The following ERBB4 variants were observed in gnomAD, a reference collection of about 807,000 sequenced individuals.
ERBB4 encodes receptor tyrosine-protein kinase erbB-4.
In ERBB4, 42 loss-of-function variants were observed where a neutral mutation model predicts 158.0. The observed-to-expected ratio is 0.27, with a 90% confidence interval of 0.21 to 0.34. ERBB4 has a LOEUF of 0.34. Ranked by LOEUF, ERBB4 falls within the 10% of genes least tolerant of loss-of-function variation. The pLI is 1.00. For synonymous variants in ERBB4, 583 were observed against 558.7 expected (o/e 1.04, Z -0.61); for missense variants, 1,333 against 1,624.1 (o/e 0.82, Z 3.08).
intron 12 of ERBB4, among the ~76,000 whole-genome samples, chr2:211,697,032 C>A (rs931738491): frequency 2.0e-5 from 3 of 152,186 alleles, no homozygotes; most frequent in Non-Finnish European, 4.4e-5. Context: ...TGAAGTCAGA[C>A]AGGCATTGGG....
intron 1 of ERBB4, among the ~76,000 whole-genome samples, chr2:212,387,083 T>C (rs929905298): frequency 7.2e-5 from 11 of 152,082 alleles, no homozygotes; most frequent in African/African-American, 2.7e-4. Context: ...GTATTAAAAA[T>C]CAAGCAAATA....
chr2:212,000,977 T>C (rs376826253), intron 2 of ERBB4, among the ~76,000 whole-genome samples: 4 of 152,012 alleles, frequency 2.6e-5, no homozygotes, highest in Admixed American at 2.6e-4. Context: ...CATTTTTATA[T>C]TTTATATCTC....
At chr2:211,769,892 C>A (rs2075648508) in intron 4 of ERBB4, among the ~76,000 whole-genome samples, 1 of 152,214 alleles carries the variant, frequency 6.6e-6, no homozygotes, top group African/African-American at 2.4e-5. Context: ...GAGGGTGAGT[C>A]TGCCTCTCCC....
At chr2:211,997,946 T>C (rs1211250505) in intron 2 of ERBB4, among the ~76,000 whole-genome samples, 2 of 151,006 alleles carry the variant, frequency 1.3e-5, no homozygotes, top group Non-Finnish European at 3.0e-5. Flanking sequence ...TGCCTGAGTT[T>C]AGGTAGAATG....
chr2:212,141,342 C>T (rs1357581215), intron 1 of ERBB4, among the ~76,000 whole-genome samples: 2 of 151,912 alleles, frequency 1.3e-5, no homozygotes, highest in South Asian at 4.1e-4. Flanking sequence ...AATGAAGAAA[C>T]TTGGCTCCCT....
chr2:212,078,714 G>T (rs1201893633), intron 2 of ERBB4, among the ~76,000 whole-genome samples: 1 of 151,684 alleles, frequency 6.6e-6, no homozygotes. Flanking sequence ...ACCATTTGCA[G>T]TTAAGAGACT....
chr2:211,498,236 T>C (rs1233738214), intron 20 of ERBB4, among the ~76,000 whole-genome samples: 1 of 152,130 alleles, frequency 6.6e-6, no homozygotes, highest in Non-Finnish European at 1.5e-5. Flanking sequence ...TTCTAATTTG[T>C]GCTAAAGTCT....
At position 211,630,591 on chromosome 2, in the gene ERBB4, A is replaced by T. The variant is rs568775996; in HGVS notation, c.1950T>A (p.Thr650=). Residue 650 remains threonine, a synonymous_variant, in exon 17 of 28, where the codon ACT becomes ACA. Coordinates refer to ENST00000342788, the MANE Select transcript of ERBB4 (RefSeq NM_005235.3). The part of the protein sequence containing the change: ...GHSTLPQHAR[T]PLIAAGVIGG... ...CAATTACTCCAGCTGCAATCAGGGG[A>T]GTTCTGACAACCAGAATGAGAAAAA... 1.6e-4 allele frequency: 257 copies of T among 1,612,046 alleles called. 3 individuals carry two copies. The South Asian group carries it at 2.6e-3, about 16-fold the overall frequency.
chr2:212,209,641 C>T (rs1313711942), intron 1 of ERBB4, among the ~76,000 whole-genome samples: 2 of 151,962 alleles, frequency 1.3e-5, no homozygotes, highest in African/African-American at 2.4e-5. Flanking sequence ...GAAGCCCAAA[C>T]CCTTAGAGTG....
intron 9 of ERBB4, among the ~76,000 whole-genome samples, chr2:211,711,328 TCTGTAGC>T (rs1212129333): frequency 6.6e-6 from 1 of 152,198 alleles, no homozygotes; most frequent in Non-Finnish European, 1.5e-5. Flanking sequence ...ATATTCTTTA[TCTGTAGC>T]CTGCAGCACT....
At chr2:212,199,900 A>G (rs1052366967) in intron 1 of ERBB4, among the ~76,000 whole-genome samples, 1 of 152,228 alleles carries the variant, frequency 6.6e-6, no homozygotes, top group Non-Finnish European at 1.5e-5. Flanking sequence ...CCAGTGAAGT[A>G]TGAAAAGATA....
At chr2:212,474,839 T>TTTTTTTC (rs1245995165) in intron 1 of ERBB4, among the ~76,000 whole-genome samples, 1 of 136,160 alleles carries the variant, frequency 7.3e-6, no homozygotes. Flanking sequence ...TTTTTTTTTT[T>TTTTTTTC]TGTCAAGACA....
chr2:211,912,532 G>C (rs2079565647), intron 3 of ERBB4, among the ~76,000 whole-genome samples: 1 of 151,720 alleles, frequency 6.6e-6, no homozygotes, highest in Non-Finnish European at 1.5e-5. Flanking sequence ...ACAAAAAAGA[G>C]AAAAAAAACT....
At chr2:212,236,712 G>A (rs978210582) in intron 1 of ERBB4, among the ~76,000 whole-genome samples, 23 of 152,218 alleles carry the variant, frequency 1.5e-4, no homozygotes, top group Admixed American at 3.9e-4. Flanking sequence ...TATGTGTCCA[G>A]GAATTTATTC....
chr2:211,754,842 A>G (rs1035649823), intron 4 of ERBB4, among the ~76,000 whole-genome samples: 2 of 151,564 alleles, frequency 1.3e-5, no homozygotes, highest in African/African-American at 4.9e-5. Flanking sequence ...CTGGGATTAT[A>G]GAAATGCACC....
chr2:212,511,015 T>C (rs78708581), intron 1 of ERBB4, among the ~76,000 whole-genome samples: 3,511 of 152,214 alleles, frequency 0.023, 112 homozygotes, highest in South Asian at 0.081. Flanking sequence ...CAATGATATA[T>C]GTAAATGACT....
At chr2:212,340,859 C>A (rs571641386) in intron 1 of ERBB4, among the ~76,000 whole-genome samples, 1 of 152,210 alleles carries the variant, frequency 6.6e-6, no homozygotes, top group African/African-American at 2.4e-5. Context: ...TTTGTCTATT[C>A]GATGCTACTA....
intron 3 of ERBB4, among the ~76,000 whole-genome samples, chr2:211,855,438 T>C (rs1414872027): frequency 6.6e-6 from 1 of 152,170 alleles, no homozygotes; most frequent in African/African-American, 2.4e-5. Context: ...ATTCTCGTTT[T>C]CCTCTAAAAG....
At chr2:212,463,782 T>G (rs1402214477) in intron 1 of ERBB4, among the ~76,000 whole-genome samples, 1 of 152,054 alleles carries the variant, frequency 6.6e-6, no homozygotes, top group East Asian at 1.9e-4. Context: ...GTTCAAAAGG[T>G]GATTAATTGG....
Sources: allele counts gnomAD v4.1 joint callset (sites outside exome capture counted in the v4.1 genomes callset), GRCh38; gene constraint gnomAD v4.1.1; transcripts MANE v1.5; gene names NCBI Gene and HGNC (gene_info 2026-07-23, HGNC 2026-07-21).